ABCA8: variants seen among roughly 807,000 people sequenced by gnomAD.
ABCA8 encodes the protein ATP binding cassette subfamily A member 8.
A neutral mutation model predicts 192.3 loss-of-function variants in ABCA8; 177 were observed. That is an observed-to-expected ratio of 0.92 (90% CI 0.81 to 1.04). ABCA8 has a LOEUF of 1.04. Ranked by LOEUF, ABCA8 falls within the 50% of genes least tolerant of loss-of-function variation. The pLI, the probability that ABCA8 is intolerant of heterozygous loss-of-function variation, is 0.00. For missense variants in ABCA8, 1,915 were observed against 1,904.8 expected, an observed-to-expected ratio of 1.01 and a Z score of -0.10; for synonymous variants, 642 against 690.2, an observed-to-expected ratio of 0.93 and a Z score of 1.09.
chr17:68,887,420 G>A lies in ABCA8; in HGVS notation c.3231C>T (p.Tyr1077=), dbSNP rs2143339611. The A allele has an allele frequency of 6.2e-7, 1 of 1,613,754 alleles. No homozygotes were observed. Residue 1077 remains tyrosine (Y), a synonymous_variant, in exon 25 of 40, where the codon TAC becomes TAT. Coordinates refer to ENST00000586539, the MANE Select transcript of ABCA8 (RefSeq NM_001288985.2). ...AATATATAAAAACGAAGACCAAGAA[G>A]TACAGGGAAACATCCACCAGCGCCT... The part of the protein sequence containing the change: ...FGQALVDVSL[Y]FLVFVFIYLM...
chr17:68,907,256 A>G (rs2067093198), intron 18 of ABCA8, among the ~76,000 whole-genome samples: 1 of 152,154 alleles, frequency 6.6e-6, no homozygotes, highest in African/African-American at 2.4e-5. Flanking sequence ...AGCAAGGTTA[A>G]TTGTTTCAAC....
At chr17:68,926,883 G>T (rs1280732953) in intron 10 of ABCA8, among the ~76,000 whole-genome samples, 1 of 152,086 alleles carries the variant, frequency 6.6e-6, no homozygotes, top group Non-Finnish European at 1.5e-5. Flanking sequence ...TTGAATAAAG[G>T]GCCCTTGGCA....
rs533765197 is a variant in ABCA8, at chr17:68,885,755, G to A, written c.3430-440C>T. Among the ~76,000 whole-genome samples the A allele has an allele frequency of 4.6e-5, 7 of 152,122 alleles. No individual in the cohort carries two copies. The South Asian group carries it at 1.5e-3, about 32-fold the overall frequency. On this transcript the variant is annotated intron_variant, in intron 26 of 39. Coordinates refer to ENST00000586539, the MANE Select transcript of ABCA8 (RefSeq NM_001288985.2). ...AGTAGAGATGGGGTTTCACCATGTTGCTCAGGCTGGCCTTGAATTCTTGGG... is the reference window on the plus strand; with the variant it reads ...AGTAGAGATGGGGTTTCACCATGTTACTCAGGCTGGCCTTGAATTCTTGGG...
chr17:68,933,322 T>G, intron 5 of ABCA8, 51 bp from the exon 6 acceptor site: 1 of 1,198,546 alleles, frequency 8.3e-7, no homozygotes. Context: ...TCTATATTAT[T>G]GAAATATGAT....
intron 5 of ABCA8, among the ~76,000 whole-genome samples, chr17:68,935,563 T>C (rs1239642919): frequency 6.9e-6 from 1 of 144,382 alleles, no homozygotes; most frequent in Non-Finnish European, 1.5e-5. Context: ...TATATATATA[T>C]ATATATTATC....
intron 4 of ABCA8, among the ~76,000 whole-genome samples, chr17:68,939,689 A>T (rs571036037): frequency 6.6e-6 from 1 of 152,030 alleles, no homozygotes; most frequent in Non-Finnish European, 1.5e-5. Flanking sequence ...TTGGTGATAA[A>T]CCTCTAATCT....
In ABCA8 at chr17:68,883,900, T is replaced by G; in HGVS notation, c.3616-18A>C. The G allele has an allele frequency of 7.1e-7, 1 of 1,413,852 alleles. No homozygotes were observed. Among genetic ancestry groups the G allele is most frequent in the East Asian group, 2.3e-5 (1 of 43,420 alleles). The allele number at this position is 1,413,852 out of a possible 1,614,324, so 87.6% of individuals were successfully genotyped here. On this transcript the variant is annotated intron_variant, in intron 28 of 39. Coordinates refer to ENST00000586539, the MANE Select transcript of ABCA8 (RefSeq NM_001288985.2). ...AGGAAAGGCTAGGAATAAAGAGAGA[T>G]GCACAATTAGAAACATAAAAAGATA...
At chr17:68,869,100 G>A (rs1291273556) in intron 38 of ABCA8, among the ~76,000 whole-genome samples, 14 of 152,114 alleles carry the variant, frequency 9.2e-5, no homozygotes, top group Admixed American at 9.2e-4. Flanking sequence ...TCTTCCTTAG[G>A]GCAGAGGATA....
At chr17:68,914,602 C>A (rs1238496443) in intron 17 of ABCA8, among the ~76,000 whole-genome samples, 1 of 151,982 alleles carries the variant, frequency 6.6e-6, no homozygotes, top group African/African-American at 2.4e-5. Flanking sequence ...AGTAAAAGAT[C>A]TCTATAGTGA....
Position 68,918,457 on chromosome 17 carries a change from G to C in ABCA8, c.1878C>G (p.Thr626=). 1 of 1,571,428 alleles carries C rather than the reference G, an allele frequency of 6.4e-7. No individual in the cohort carries two copies. Among genetic ancestry groups the C allele is most frequent in the East Asian group, 2.3e-5 (1 of 43,632 alleles). ...NLSGGQKRKL[T]FGIAILGDPQ... is the part of the protein sequence containing the mutation. ...GATCTCCTAAAATGGCAATCCCAAA[G>C]GTTAGCTTTCTTTTCTGTCCACCAC... The change falls in exon 15 of 40, where the codon ACC becomes ACG. Residue 626 remains threonine, a synonymous_variant. Coordinates refer to ENST00000586539, the MANE Select transcript of ABCA8 (RefSeq NM_001288985.2).
In ABCA8 at chr17:68,875,623, C is replaced by T. The variant is rs1480260596; in HGVS notation, c.4481G>A (p.Gly1494Glu). 1 of 1,614,054 alleles carries T rather than the reference C, an allele frequency of 6.2e-7. No homozygotes were observed. Among genetic ancestry groups the T allele is most frequent in the Non-Finnish European group, 8.5e-7 (1 of 1,179,972 alleles). The stretch of plus-strand genomic sequence containing the variant: ...CAGGACAGGCACTCACCTCAACCTC[C>T]CAGATACCATGATGGCCACTCGGTC... ...VCDRVAIMVS[G>E]RLRCIGSIQH... The change falls in exon 36 of 40, where the codon GGG becomes GAG. Residue 1494 changes from glycine to glutamate, a missense_variant. Transcript: ENST00000586539.
chr17:68,918,107 T>C lies in ABCA8; in HGVS notation c.1987A>G (p.Lys663Glu), dbSNP rs1362662882. The C allele has an allele frequency of 3.1e-6, 5 of 1,614,196 alleles. No homozygotes were observed. The South Asian group carries it at 5.5e-5, about 18-fold the overall frequency. The change falls in exon 16 of 40, where the codon AAA becomes GAA. Residue 663 changes from lysine to glutamate, a missense_variant. By Grantham distance (56) the Lys-to-Glu change is moderately conservative. Coordinates refer to ENST00000586539, the MANE Select transcript of ABCA8 (RefSeq NM_001288985.2). ...HQVWNLLKER[K>E]TDRVILFSTQ... ...CTGAAGAGGATCACGCGGTCTGTTT[T>C]GCGTTCTTTCAGAAGGTTCCATACT...
chr17:68,927,536 A>G (rs902312771), intron 10 of ABCA8, among the ~76,000 whole-genome samples: 10 of 152,138 alleles, frequency 6.6e-5, no homozygotes, highest in Non-Finnish European at 1.2e-4. Context: ...AATTCTTCAC[A>G]TGATTCTGTT....
intron 17 of ABCA8, among the ~76,000 whole-genome samples, chr17:68,913,681 C>A (rs1368530986): frequency 6.6e-6 from 1 of 151,804 alleles, no homozygotes; most frequent in Non-Finnish European, 1.5e-5. Flanking sequence ...AAGATTGAAC[C>A]GTGAAGAAAT....
intron 19 of ABCA8, among the ~76,000 whole-genome samples, chr17:68,903,701 T>C (rs1381914690): frequency 6.6e-6 from 1 of 152,158 alleles, no homozygotes; most frequent in East Asian, 1.9e-4. Context: ...TTAGGTAATT[T>C]GGATACAGAC....
In ABCA8 at chr17:68,903,387, A is replaced by T. The variant is rs574410339; in HGVS notation, c.2511T>A (p.Gly837=). ...AGATTTGCTGTCGCCAGAGAGCCAC[A>T]CCACCTATTGTCTTTCTCATCTTGT... The part of the protein sequence containing the change: ...SLNKMRKTIG[G]VALWRQQICA... Residue 837 remains glycine, a synonymous_variant, in exon 20 of 40, where the codon GGT becomes GGA. Coordinates refer to ENST00000586539, the MANE Select transcript of ABCA8 (RefSeq NM_001288985.2). 12 of 1,614,230 alleles carry T rather than the reference A, an allele frequency of 7.4e-6. No individual in the cohort carries two copies. The African/African-American group carries it at 1.6e-4, about 22-fold the overall frequency.
At chr17:68,917,926 A>T in intron 16 of ABCA8, 121 bp downstream of exon 16, 1 of 1,209,286 alleles carries the variant, frequency 8.3e-7, no homozygotes, top group Non-Finnish European at 1.1e-6. Context: ...ACCACCAGCC[A>T]TTCAATTTAC....
rs1434515166 is a variant in ABCA8 at position 68,940,756 on chromosome 17, A to G, written c.301+2T>C. ...TTCTTCTTAAGTAACTAGAAAACTT[A>G]CCTGCCAGGAAGGGAGTAGAGGCTA... On this transcript the variant is annotated splice_donor_variant, in intron 4 of 39. Transcript: ENST00000586539. LOFTEE classifies it high-confidence loss of function. 6.2e-7 allele frequency: 1 copy of G among 1,611,336 alleles called. No individual in the cohort carries two copies. Among genetic ancestry groups the G allele is most frequent in the African/African-American group, 1.3e-5 (1 of 74,978 alleles).
chr17:68,913,813 T>C (rs771581234), intron 17 of ABCA8, among the ~76,000 whole-genome samples: 4 of 152,046 alleles, frequency 2.6e-5, no homozygotes, highest in Non-Finnish European at 4.4e-5. Flanking sequence ...CCAATCCTAT[T>C]CAAAATTATT....
Sources: gnomAD v4.1 joint callset for allele counts (sites outside exome capture counted in the v4.1 genomes callset) on GRCh38, gnomAD v4.1.1 for gene constraint, MANE v1.5 for transcripts, NCBI Gene and HGNC (gene_info 2026-07-23, HGNC 2026-07-21) for gene names.